STAT3: variants seen among roughly 807,000 people sequenced by gnomAD.
The protein encoded by STAT3 is DNA-binding protein APRF.
Under a neutral mutation model 114.3 loss-of-function variants are expected in STAT3, and 7 were observed. The ratio of observed to expected loss-of-function variants is 0.06; its 90% CI spans 0.03 to 0.11. STAT3 has a LOEUF of 0.11. Among genes scored for constraint, STAT3 ranks in the 10% least tolerant of loss-of-function variants. The pLI, the probability that STAT3 is intolerant of heterozygous loss-of-function variation, is 1.00. For synonymous variants in STAT3, 331 were observed against 354.5 expected (o/e 0.93, Z 0.74); for missense variants, 364 against 960.9 (o/e 0.38, Z 8.21).
chr17:42,337,464 G>A lies in STAT3; in HGVS notation c.768C>T (p.Pro256=). ...TTTCTAGCCGATCTAGGCAGATGTT[G>A]GGCGGGCCTCCAATGCAGGCAATCT... ...RQQIACIGGP[P]NICLDRLENW... The change falls in exon 8 of 24, where the codon CCC becomes CCT. Residue 256 remains proline (P), a synonymous_variant. Coordinates refer to ENST00000264657, the MANE Select transcript of STAT3 (RefSeq NM_139276.3). This position sits in a 1 kb window ranked among gnomAD's most constrained non-coding sequence, Gnocchi z 4.0. 1 of 1,614,098 alleles carries A rather than the reference G, an allele frequency of 6.2e-7. No homozygotes were observed. The highest frequency in any genetic ancestry group is 8.5e-7 in the Non-Finnish European group (1 of 1,180,028).
At chr17:42,322,244 C>A in intron 21 of STAT3, 38 bp downstream of exon 21, 1 of 1,613,104 alleles carries the variant, frequency 6.2e-7, no homozygotes, top group Non-Finnish European at 8.5e-7. Flanking sequence ...CCAACTTTTC[C>A]CAAAAATTAA....
At chr17:42,344,369 C>T (rs1161550899) in intron 4 of STAT3, among the ~76,000 whole-genome samples, 1 of 148,870 alleles carries the variant, frequency 6.7e-6, no homozygotes, top group Non-Finnish European at 1.5e-5. Context: ...TTGCAGTGAG[C>T]TGAGATCACG....
intron 15 of STAT3, 138 bp downstream of exon 15, chr17:42,325,978 G>A (rs1245540665): frequency 1.1e-5 from 9 of 836,492 alleles, no homozygotes; most frequent in Non-Finnish European, 1.6e-5. Context: ...GATTTTTTTG[G>A]AGAAAAGTAA....
At chr17:42,334,654 AG>A (rs1276155865) in intron 8 of STAT3, among the ~76,000 whole-genome samples, 1 of 152,124 alleles carries the variant, frequency 6.6e-6, no homozygotes, top group Non-Finnish European at 1.5e-5. Flanking sequence ...CTTGTTGGCC[AG>A]GCTGGTCTTG....
At chr17:42,332,615 G>A (rs1034038239) in intron 10 of STAT3, among the ~76,000 whole-genome samples, 2 of 150,334 alleles carry the variant, frequency 1.3e-5, no homozygotes, top group Admixed American at 6.6e-5. Flanking sequence ...GGCCGGGGTG[G>A]GTGGATTACT....
chr17:42,326,615 G>A (rs372074061), intron 14 of STAT3, among the ~76,000 whole-genome samples: 40 of 152,124 alleles, frequency 2.6e-4, no homozygotes, highest in African/African-American at 8.4e-4. Context: ...TCAGGAGTTC[G>A]AGACCAGCCT....
intron 1 of STAT3, among the ~76,000 whole-genome samples, chr17:42,385,710 A>T (rs140822996): frequency 6.6e-6 from 1 of 152,248 alleles, no homozygotes; most frequent in East Asian, 1.9e-4. Flanking sequence ...TCAAGCCACA[A>T]TGCACTCTGG....
At chr17:42,354,330 C>T (rs558419357) in intron 1 of STAT3, among the ~76,000 whole-genome samples, 9 of 150,454 alleles carry the variant, frequency 6.0e-5, no homozygotes, top group Admixed American at 1.3e-4. Context: ...CCACCACGCC[C>T]GGCTAATTTT....
At chr17:42,322,869 T>C in intron 20 of STAT3, 135 bp downstream of exon 20, 1 of 1,248,660 alleles carries the variant, frequency 8.0e-7, no homozygotes, top group Middle Eastern at 2.7e-4. Context: ...CACGCAAATG[T>C]GTTTTGCGAG....
chr17:42,336,423 C>T (rs1282252717), intron 8 of STAT3, among the ~76,000 whole-genome samples: 1 of 151,996 alleles, frequency 6.6e-6, no homozygotes, highest in Non-Finnish European at 1.5e-5. Flanking sequence ...CAAAGTAAGA[C>T]CCTGTCTCTA....
intron 1 of STAT3, among the ~76,000 whole-genome samples, chr17:42,369,817 C>G (rs956440287): frequency 6.6e-6 from 1 of 152,026 alleles, no homozygotes; most frequent in Non-Finnish European, 1.5e-5. Context: ...TGCTGCCAAA[C>G]CCAGCTAATT....
intron 4 of STAT3, among the ~76,000 whole-genome samples, chr17:42,344,821 G>A (rs1174736584): frequency 6.6e-6 from 1 of 151,488 alleles, no homozygotes; most frequent in African/African-American, 2.4e-5. Context: ...CCAAAGTGCT[G>A]GGATTACAGG....
intron 1 of STAT3, among the ~76,000 whole-genome samples, chr17:42,362,594 C>CG (rs1169738675): frequency 6.6e-6 from 1 of 152,212 alleles, no homozygotes; most frequent in Non-Finnish European, 1.5e-5. Context: ...TCCACCACTT[C>CG]GATCACTTAG....
chr17:42,358,124 A>C (rs1001013968), intron 1 of STAT3, among the ~76,000 whole-genome samples: 2 of 152,196 alleles, frequency 1.3e-5, no homozygotes, highest in Non-Finnish European at 2.9e-5. Context: ...TATATGAAAG[A>C]AGTAAAGGCC....
In STAT3 at chr17:42,328,540, T is replaced by A. The variant is rs192682885; in HGVS notation, c.1281+870A>T. Among the ~76,000 whole-genome samples, 13 of 152,296 alleles carry A rather than the reference T, an allele frequency of 8.5e-5. No individual in the cohort carries two copies. The East Asian group carries it at 2.5e-3, about 29-fold the overall frequency. ...CTCATGCCTCAGCCTCCCCAGTAAC[T>A]GGGACTACAGGCGTGCACCACCACA... On this transcript the variant is annotated intron_variant, in intron 14 of 23. Coordinates refer to ENST00000264657, the MANE Select transcript of STAT3 (RefSeq NM_139276.3).
Position 42,348,459 on chromosome 17 carries a change from G to A in STAT3, c.58C>T (p.Gln20Ter). The A allele has an allele frequency of 6.2e-7, 1 of 1,614,048 alleles. No homozygotes were observed. The highest frequency in any genetic ancestry group is 8.5e-7 in the Non-Finnish European group (1 of 1,180,018). ...ATTGGGAAGCTGTCACTGTAGAGCT[G>A]ATGGAGCTGCTCCAGGTACCGTGTG... is the stretch of plus-strand genomic sequence containing the variant. ...LDTRYLEQLH[Q>*]LYSDSFPMEL... The change falls in exon 2 of 24, where the codon CAG (glutamine) becomes TAG (stop). Residue 20 changes from glutamine (Q) to a stop codon, truncating the protein, a stop_gained. Coordinates refer to ENST00000264657, the MANE Select transcript of STAT3 (RefSeq NM_139276.3). LOFTEE classifies it high-confidence loss of function.
intron 1 of STAT3, among the ~76,000 whole-genome samples, chr17:42,375,776 C>T (rs2145308487): frequency 6.6e-6 from 1 of 151,444 alleles, no homozygotes; most frequent in African/African-American, 2.4e-5. Context: ...TTGTGGTGAG[C>T]CGAGATCGCG....
Position 42,374,628 on chromosome 17 carries a change from AG to A in STAT3, c.-24+13650del, listed in dbSNP as rs1464243364. 1.9e-4 allele frequency among the ~76,000 whole-genome samples: 29 copies of A among 151,436 alleles called. 1 individual carries two copies. Among genetic ancestry groups the A allele is most frequent in the Non-Finnish European group, 4.4e-5 (3 of 67,816 alleles). ...TCCATCTCAAAAAAAAAAAAAAAAA[AG>A]AACCCAGTCTGAAGCATGAATTCAC... is the stretch of plus-strand genomic sequence containing the variant. On this transcript the variant is annotated intron_variant, in intron 1 of 23. Transcript: ENST00000264657.
At chr17:42,352,057 T>G (rs776421148) in intron 1 of STAT3, among the ~76,000 whole-genome samples, 1 of 152,046 alleles carries the variant, frequency 6.6e-6, no homozygotes, top group Non-Finnish European at 1.5e-5. Context: ...TTTAAAAATG[T>G]AGGCTGGGCA....
Sources: gnomAD v4.1 joint callset for allele counts (sites outside exome capture counted in the v4.1 genomes callset) on GRCh38, gnomAD v4.1.1 for gene constraint, Gnocchi (gnomAD v3.1) non-coding constraint, MANE v1.5 for transcripts, NCBI Gene and HGNC (gene_info 2026-07-23, HGNC 2026-07-21) for gene names.